INSL6: variants seen among roughly 807,000 people sequenced by gnomAD.
INSL6 encodes insulin-like peptide INSL6.
A neutral mutation model predicts 9.4 loss-of-function variants in INSL6; 16 were observed. The observed-to-expected ratio is 1.70, with a 90% CI of 1.15 to 2.59. The LOEUF (loss-of-function observed/expected upper bound fraction) is 2.59, where lower values mean the gene tolerates loss of function less well. Ranked by LOEUF, INSL6 falls within the 30% of genes most tolerant of loss-of-function variation. The pLI is 0.00. For missense variants in INSL6, 391 were observed against 257.3 expected (o/e 1.52, Z -3.56); for synonymous variants, 154 against 96.9 (o/e 1.59, Z -3.46).
chr9:5,115,684 G>A, the INSL6 span, among the ~76,000 whole-genome samples: 32,005 of 152,090 alleles, frequency 0.21, 3,575 homozygotes, highest in East Asian at 0.29. Context: ...ATGATAGACT[G>A]GATAAAGAAA....
At chr9:5,077,201 T>C in the INSL6 span, among the ~76,000 whole-genome samples, 1 of 150,354 alleles carries the variant, frequency 6.7e-6, no homozygotes, top group Non-Finnish European at 1.5e-5. Flanking sequence ...TGTGCTGGTA[T>C]ATTATATATT....
intron 3 of INSL6, among the ~76,000 whole-genome samples, chr9:5,131,454 T>TTTTTTTTTTTTTTTTTTTTTA (rs1824282070): frequency 6.7e-6 from 1 of 148,676 alleles, no homozygotes; most frequent in African/African-American, 2.5e-5. Context: ...TTTTTTTTTT[T>TTTTTTTTTTTTTTTTTTTTTA]GAGACAGAGT....
chr9:5,044,594 G>T, the INSL6 span: 3 of 944,572 alleles, frequency 3.2e-6, no homozygotes, highest in African/African-American at 3.3e-5. Context: ...CACTTAATCA[G>T]GAAAAACTTT....
At chr9:4,998,061 G>T in the INSL6 span, among the ~76,000 whole-genome samples, 1 of 152,064 alleles carries the variant, frequency 6.6e-6, no homozygotes, top group African/African-American at 2.4e-5. Context: ...ACAACTTCTA[G>T]ATTTTTTTGA....
the INSL6 span, chr9:5,080,416 C>T: frequency 5.7e-5 from 89 of 1,557,310 alleles, 1 homozygote; most frequent in Admixed American, 4.5e-4. Context: ...ATTACTCTAT[C>T]TCTGAACTTT....
chr9:5,079,915 G>C, the INSL6 span, among the ~76,000 whole-genome samples: 3 of 152,196 alleles, frequency 2.0e-5, no homozygotes. Context: ...GGAAAGATTA[G>C]TTGATTCAGA....
the INSL6 span, among the ~76,000 whole-genome samples, chr9:5,035,724 C>T: frequency 7.2e-5 from 11 of 152,212 alleles, no homozygotes; most frequent in South Asian, 1.2e-3. Context: ...ATTGATGGGA[C>T]GTGTCTCAAA....
chr9:5,112,627 C>CA, the INSL6 span: 1 of 984,258 alleles, frequency 1.0e-6, no homozygotes, highest in South Asian at 2.0e-5. Context: ...AACTGCACCT[C>CA]AACAGCGAGA....
chr9:5,041,649 G>C, the INSL6 span: 1 of 506,830 alleles, frequency 2.0e-6, no homozygotes, highest in East Asian at 5.3e-5. Flanking sequence ...GCTCGACTAC[G>C]ACTACCTGCG....
the INSL6 span, among the ~76,000 whole-genome samples, chr9:5,015,304 C>T: frequency 6.6e-6 from 1 of 152,166 alleles, no homozygotes; most frequent in Non-Finnish European, 1.5e-5. Context: ...TAGCAGTTCT[C>T]AGAACGTGGT....
At chr9:5,106,837 G>A in the INSL6 span, among the ~76,000 whole-genome samples, 2 of 152,100 alleles carry the variant, frequency 1.3e-5, no homozygotes, top group Non-Finnish European at 2.9e-5. Context: ...CTCATAGGTG[G>A]GAGTTGAACA....
the INSL6 span, among the ~76,000 whole-genome samples, chr9:5,046,753 G>C: frequency 6.6e-6 from 1 of 152,106 alleles, no homozygotes; most frequent in Non-Finnish European, 1.5e-5. Flanking sequence ...ATTATGAAAA[G>C]AGAGGGGAAT....
chr9:5,112,826 C>A, the INSL6 span: 1 of 559,004 alleles, frequency 1.8e-6, no homozygotes, highest in Non-Finnish European at 2.8e-6. Context: ...GAGTGAAGCC[C>A]ACAACCCCGC....
chr9:5,173,892 G>T (rs1167802307), intron 1 of INSL6, among the ~76,000 whole-genome samples: 2 of 152,060 alleles, frequency 1.3e-5, no homozygotes, highest in Admixed American at 1.3e-4. Flanking sequence ...ATCACAGCTG[G>T]ATTTGCTTTC....
At chr9:5,092,457 CACA>C in the INSL6 span, among the ~76,000 whole-genome samples, 1 of 152,178 alleles carries the variant, frequency 6.6e-6, no homozygotes, top group Non-Finnish European at 1.5e-5. Flanking sequence ...AAGATTTCAT[CACA>C]ACCTGGTCAC....
At chr9:5,043,246 C>G in the INSL6 span, among the ~76,000 whole-genome samples, 1 of 152,058 alleles carries the variant, frequency 6.6e-6, no homozygotes, top group African/African-American at 2.4e-5. Context: ...TTTGCTTTAC[C>G]AAGTGTACGG....
the INSL6 span, among the ~76,000 whole-genome samples, chr9:5,059,477 G>GACA: frequency 2.0e-5 from 3 of 151,998 alleles, no homozygotes; most frequent in African/African-American, 7.2e-5. Context: ...TGGACATTTG[G>GACA]GTTGCTTTCA....
the INSL6 span, among the ~76,000 whole-genome samples, chr9:5,113,117 C>A: frequency 1.3e-5 from 2 of 151,746 alleles, no homozygotes; most frequent in African/African-American, 4.8e-5. Context: ...GTATCTCAGC[C>A]ACCATGTCAC....
the INSL6 span, among the ~76,000 whole-genome samples, chr9:5,056,637 C>A: frequency 6.6e-6 from 1 of 152,144 alleles, no homozygotes; most frequent in African/African-American, 2.4e-5. Flanking sequence ...TGTGTTTGTA[C>A]CCCCTACACC....
Sources: gnomAD v4.1 joint callset for allele counts (sites outside exome capture counted in the v4.1 genomes callset) on GRCh38, gnomAD v4.1.1 for gene constraint, MANE v1.5 for transcripts, NCBI Gene and HGNC (gene_info 2026-07-23, HGNC 2026-07-21) for gene names.